FHIT: variants seen among roughly 807,000 people sequenced by gnomAD.
FHIT encodes bis(5'-adenosyl)-triphosphatase.
In FHIT, 19 loss-of-function variants were observed where a neutral mutation model predicts 17.9. That is an observed-to-expected ratio of 1.06 (90% confidence interval 0.74 to 1.56). The LOEUF (loss-of-function observed/expected upper bound fraction) is 1.56. FHIT is among the 40% of genes most tolerant of loss of function. FHIT has a pLI of 0.00. For missense variants in FHIT, 248 were observed against 189.2 expected (o/e 1.31, Z -1.82); for synonymous variants, 81 against 69.7 (o/e 1.16, Z -0.81).
At chr3:60,026,868 G>A (rs181417017) in intron 5 of FHIT, among the ~76,000 whole-genome samples, 1 of 152,248 alleles carries the variant, frequency 6.6e-6, no homozygotes, top group Non-Finnish European at 1.5e-5. Context: ...GGAGGCCAAG[G>A]TGGGTGGGTC....
At chr3:60,404,199 G>A (rs963194860) in intron 5 of FHIT, among the ~76,000 whole-genome samples, 2 of 152,096 alleles carry the variant, frequency 1.3e-5, no homozygotes, top group African/African-American at 2.4e-5. Context: ...TCCTTGCTTT[G>A]TGTGTTTTGT....
chr3:59,826,550 T>C (rs191587068), intron 8 of FHIT, among the ~76,000 whole-genome samples: 10 of 152,392 alleles, frequency 6.6e-5, no homozygotes, highest in African/African-American at 2.2e-4. Flanking sequence ...TAAGTATGTG[T>C]AAGGCTTCTT....
Position 59,894,084 on chromosome 3 carries a change from C to T in FHIT, c.348+28262G>A, listed in dbSNP as rs527983688. On this transcript the variant is annotated intron_variant, in intron 8 of 9. Coordinates refer to ENST00000492590, the MANE Select transcript of FHIT (RefSeq NM_002012.4). ...CCTGGGCAACATGGCGAAACCCTGCCTCTACAAAAAATAGCCTGGTGTGGT... is the reference window on the plus strand; with the variant it reads ...CCTGGGCAACATGGCGAAACCCTGCTTCTACAAAAAATAGCCTGGTGTGGT... Among the ~76,000 whole-genome samples, 6 of 152,230 alleles carry T rather than the reference C, an allele frequency of 3.9e-5. 1 individual carries two copies. The South Asian group carries it at 1.2e-3, about 32-fold the overall frequency.
intron 3 of FHIT, among the ~76,000 whole-genome samples, chr3:60,925,030 A>C (rs1262141201): frequency 6.6e-6 from 1 of 152,166 alleles, no homozygotes; most frequent in Non-Finnish European, 1.5e-5. Flanking sequence ...AAAGAAATGA[A>C]CAAAGCCTAC....
At chr3:60,818,599 T>C (rs1220385665) in intron 4 of FHIT, among the ~76,000 whole-genome samples, 4 of 152,212 alleles carry the variant, frequency 2.6e-5, no homozygotes, top group Non-Finnish European at 4.4e-5. Context: ...CTTCTTAATA[T>C]AATGATTTAC....
At chr3:60,842,646 T>TATATATATATATA (rs1491100730) in intron 3 of FHIT, among the ~76,000 whole-genome samples, 19 of 80,260 alleles carry the variant, frequency 2.4e-4, no homozygotes, top group African/African-American at 8.1e-4. Flanking sequence ...TATATATATA[T>TATATATATATATA]TTTTTTTTTT....
intron 8 of FHIT, among the ~76,000 whole-genome samples, chr3:59,895,205 G>A (rs1704017450): frequency 6.6e-6 from 1 of 152,210 alleles, no homozygotes; most frequent in Non-Finnish European, 1.5e-5. Flanking sequence ...TGCCAAGACT[G>A]AGAAATCCTG....
chr3:60,851,941 G>T (rs1297392010), intron 3 of FHIT, among the ~76,000 whole-genome samples: 1 of 152,048 alleles, frequency 6.6e-6, no homozygotes, highest in Non-Finnish European at 1.5e-5. Context: ...TAAGTGTCAC[G>T]ATGATAAATT....
intron 5 of FHIT, among the ~76,000 whole-genome samples, chr3:60,090,762 C>A (rs1368987855): frequency 6.6e-6 from 1 of 152,116 alleles, no homozygotes; most frequent in African/African-American, 2.4e-5. Flanking sequence ...TCAGGCCACA[C>A]AGACTTTGGG....
intron 8 of FHIT, among the ~76,000 whole-genome samples, chr3:59,918,149 T>A (rs1435233157): frequency 6.6e-6 from 1 of 152,186 alleles, no homozygotes; most frequent in Non-Finnish European, 1.5e-5. Flanking sequence ...TGAAGAGCAA[T>A]ATATAGTCTC....
At chr3:59,814,668 A>G (rs1009565100) in intron 8 of FHIT, among the ~76,000 whole-genome samples, 3 of 152,146 alleles carry the variant, frequency 2.0e-5, no homozygotes, top group South Asian at 4.1e-4. Flanking sequence ...TTTAAACATA[A>G]TATTTCTCCC....
intron 3 of FHIT, among the ~76,000 whole-genome samples, chr3:61,037,619 G>C (rs894496885): frequency 6.6e-6 from 1 of 152,172 alleles, no homozygotes; most frequent in Non-Finnish European, 1.5e-5. Flanking sequence ...ATTAGGTCAC[G>C]AGGGCTCTGG....
chr3:61,013,036 C>T (rs2031884890), intron 3 of FHIT, among the ~76,000 whole-genome samples: 1 of 151,924 alleles, frequency 6.6e-6, no homozygotes, highest in African/African-American at 2.4e-5. Flanking sequence ...AACGGATATA[C>T]TTAAAAAATA....
intron 3 of FHIT, among the ~76,000 whole-genome samples, chr3:61,030,405 C>A (rs556453810): frequency 1.3e-5 from 2 of 152,264 alleles, no homozygotes; most frequent in South Asian, 4.1e-4. Context: ...AGCCACTAGC[C>A]AAATGTGACT....
intron 2 of FHIT, among the ~76,000 whole-genome samples, chr3:61,063,264 A>AAAAAAAAAAAAAAAAAG (rs1312845453): frequency 2.0e-5 from 3 of 151,298 alleles, no homozygotes; most frequent in Non-Finnish European, 1.5e-5. Flanking sequence ...TCAAAAAAAA[A>AAAAAAAAAAAAAAAAAG]AAAGATTAGT....
intron 4 of FHIT, among the ~76,000 whole-genome samples, chr3:60,664,914 T>A (rs576182146): frequency 1.3e-4 from 20 of 152,088 alleles, no homozygotes; most frequent in African/African-American, 4.8e-4. Flanking sequence ...GAAGAACCTG[T>A]TCTTTGTCTC....
chr3:60,626,782 ACTC>A (rs764550440), intron 4 of FHIT, among the ~76,000 whole-genome samples: 12 of 69,890 alleles, frequency 1.7e-4, no homozygotes, highest in Admixed American at 8.6e-4. Context: ...AGGGGAAAAC[ACTC>A]TTTTTTTTTT....
chr3:59,802,706 T>C (rs1294833992), intron 8 of FHIT, among the ~76,000 whole-genome samples: 2 of 152,172 alleles, frequency 1.3e-5, no homozygotes, highest in Admixed American at 1.3e-4. Context: ...TAAAGCCTAT[T>C]GGTTTGGTGG....
rs77415326 is a variant in FHIT at position 61,058,175 on chromosome 3, C to T, written c.-163-16076G>A. ...TAATAAGTTCTCCATAAACGTGAGCCATGAGTTTTATGATGCTATAGGTCT... is the reference window on the plus strand; with the variant it reads ...TAATAAGTTCTCCATAAACGTGAGCTATGAGTTTTATGATGCTATAGGTCT... On this transcript the variant is annotated intron_variant, in intron 2 of 9. Coordinates refer to ENST00000492590, the MANE Select transcript of FHIT (RefSeq NM_002012.4). Among the ~76,000 whole-genome samples, 1,165 of 152,292 alleles carry T rather than the reference C, an allele frequency of 7.6e-3. 18 individuals carry two copies. The highest frequency in any genetic ancestry group is 0.027 in the African/African-American group (1,106 of 41,550).
Sources: gnomAD v4.1 joint callset for allele counts (sites outside exome capture counted in the v4.1 genomes callset) on GRCh38, gnomAD v4.1.1 for gene constraint, MANE v1.5 for transcripts, NCBI Gene and HGNC (gene_info 2026-07-23, HGNC 2026-07-21) for gene names.